Variants in COL1A1 observed in about 807,000 individuals in gnomAD.
The protein encoded by COL1A1 is collagen alpha-1(I) chain.
A neutral mutation model predicts 195.7 loss-of-function variants in COL1A1; 21 were observed. The observed-to-expected ratio is 0.11, with a 90% CI of 0.08 to 0.15. The LOEUF is 0.15. Ranked by LOEUF, COL1A1 falls within the 10% of genes least tolerant of loss-of-function variation. COL1A1 has a pLI of 1.00. For missense variants in COL1A1, 1,365 were observed against 2,051.0 expected (o/e 0.67, Z 6.46); for synonymous variants, 749 against 747.3 (o/e 1.00, Z -0.04).
Position 50,186,121 on chromosome 17 carries a change from C to G in COL1A1, c.4006-101G>C. The G allele has an allele frequency of 6.4e-7, 1 of 1,567,180 alleles. No homozygotes were observed. Among genetic ancestry groups the G allele is most frequent in the Non-Finnish European group, 8.6e-7 (1 of 1,157,502 alleles). On this transcript the variant is annotated intron_variant, in intron 49 of 50. Coordinates refer to ENST00000225964, the MANE Select transcript of COL1A1 (RefSeq NM_000088.4). The surrounding 1 kb of genome is among the most constrained non-coding windows in gnomAD (Gnocchi z 5.3). ...GGTCCTCAGAGAGCTGCCCAATGCA[C>G]CGTTATATCGAGAGGAGGCACCACC...
Position 50,198,459 on chromosome 17 carries a change from C to T in COL1A1, c.517G>A (p.Gly173Arg), listed in dbSNP as rs193922157. Reference sequence around the variant, plus strand: ...ATGGGGCCAGGCACGGAAATTCCTCCGGTTGATTTCTCATCATAGCCATAA... The same window carrying T: ...ATGGGGCCAGGCACGGAAATTCCTCTGGTTGATTTCTCATCATAGCCATAA... ...LSYGYDEKST[G>R]GISVPGPMGP... Residue 173 changes from glycine (G) to arginine (R), a missense_variant, in exon 6 of 51, where the codon GGA becomes AGA. Physicochemically the swap from Gly to Arg is moderately radical, Grantham distance 125. Coordinates refer to ENST00000225964, the MANE Select transcript of COL1A1 (RefSeq NM_000088.4). 17 of 1,613,420 alleles carry T rather than the reference C, an allele frequency of 1.1e-5. No individual in the cohort carries two copies. The highest frequency in any genetic ancestry group is 2.2e-5 in the East Asian group (1 of 44,882).
In COL1A1 at chr17:50,190,904, A is replaced by G; in HGVS notation, c.2256T>C (p.Gly752=). 6.2e-7 allele frequency: 1 copy of G among 1,614,082 alleles called. No individual in the cohort carries two copies. Among genetic ancestry groups the G allele is most frequent in the Non-Finnish European group, 8.5e-7 (1 of 1,179,984 alleles). ...KGDRGDAGPK[G]ADGSPGKDGV... ...CATCTTTGCCAGGAGAGCCATCAGC[A>G]CCTTTGGGACCAGCATCACCCTAAA... is the stretch of plus-strand genomic sequence containing the variant. The change falls in exon 33 of 51, where the codon GGT becomes GGC. Residue 752 remains glycine, a synonymous_variant. Coordinates refer to ENST00000225964, the MANE Select transcript of COL1A1 (RefSeq NM_000088.4). This position sits in a 1 kb window ranked among gnomAD's most constrained non-coding sequence, Gnocchi z 4.7.
At position 50,189,584 on chromosome 17, in the gene COL1A1, G is replaced by A. The variant is rs1906883438; in HGVS notation, c.2668-46C>T. 3.1e-6 allele frequency: 5 copies of A among 1,612,832 alleles called. No homozygotes were observed. The highest frequency in any genetic ancestry group is 2.2e-5 in the East Asian group (1 of 44,820). ...CTGTCAGACTCCAGGGGGCTCTGGTGCATCATTGGGTCCTCAGTCAGCCCC... is the reference window on the plus strand; with the variant it reads ...CTGTCAGACTCCAGGGGGCTCTGGTACATCATTGGGTCCTCAGTCAGCCCC... On this transcript the variant is annotated intron_variant, in intron 38 of 50. Coordinates refer to ENST00000225964, the MANE Select transcript of COL1A1 (RefSeq NM_000088.4). The surrounding 1 kb of genome is among the most constrained non-coding windows in gnomAD (Gnocchi z 5.5).
chr17:50,194,338 T>C lies in COL1A1; in HGVS notation c.1614+11A>G. 6.2e-7 allele frequency: 1 copy of C among 1,614,016 alleles called. No individual in the cohort carries two copies. The highest frequency in any genetic ancestry group is 2.2e-5 in the East Asian group (1 of 44,858). ...GCCTGGCCAAGCCAGGCTGAAAGCC[T>C]GGGGCCTCACCTTGGCACCAGGCAG... On this transcript the variant is annotated intron_variant, in intron 23 of 50. Coordinates refer to ENST00000225964, the MANE Select transcript of COL1A1 (RefSeq NM_000088.4). This position sits in a 1 kb window ranked among gnomAD's most constrained non-coding sequence, Gnocchi z 6.8.
chr17:50,195,584 C>T lies in COL1A1; in HGVS notation c.1138G>A (p.Gly380Ser), dbSNP rs72648313. 1 of 1,614,088 alleles carries T rather than the reference C, an allele frequency of 6.2e-7. No homozygotes were observed. The highest frequency in any genetic ancestry group is 1.1e-5 in the South Asian group (1 of 91,082). ...ACACTTACAGCAGGGCCAGCAGCAC[C>T]AGCAGGGCCAGGGGGGCCAGGCTCA... ...RGEPGPPGPA[G>S]AAGPAGNPGA... is the part of the protein sequence containing the mutation. The change falls in exon 17 of 51, where the codon GGT becomes AGT. Residue 380 changes from glycine to serine, a missense_variant. By Grantham distance (56) the Gly-to-Ser change is moderately conservative. Around this residue, in one of 5 missense-constraint regions of COL1A1, gnomAD observed 226 missense variants for 372.9 expected, o/e 0.61. Transcript: ENST00000225964. This position sits in a 1 kb window ranked among gnomAD's most constrained non-coding sequence, Gnocchi z 4.3.
rs1598285552 is a variant in COL1A1 at position 50,186,788 on chromosome 17, A to G, written c.3666T>C (p.Asn1222=). The G allele has an allele frequency of 6.2e-7, 1 of 1,614,116 alleles. No homozygotes were observed. Among genetic ancestry groups the G allele is most frequent in the East Asian group, 2.2e-5 (1 of 44,874 alleles). ...GGRYYRADDA[N]VVRDRDLEVD... ...CCTCGAGGTCACGGTCACGAACCAC[A>G]TTGGCATCATCAGCCCGGTAGTAGC... is the stretch of plus-strand genomic sequence containing the variant. Residue 1222 remains asparagine, a synonymous_variant, in exon 48 of 51, where the codon AAT becomes AAC. Transcript: ENST00000225964. This position sits in a 1 kb window ranked among gnomAD's most constrained non-coding sequence, Gnocchi z 5.3.
rs368295399 is a variant in COL1A1 at position 50,186,685 on chromosome 17, G to A, written c.3769C>T (p.Arg1257Cys). 2.9e-5 allele frequency: 47 copies of A among 1,613,586 alleles called. No individual in the cohort carries two copies. Among genetic ancestry groups the A allele is most frequent in the Middle Eastern group, 1.6e-4 (1 of 6,082 alleles). The part of the protein sequence containing the change: ...SPEGSRKNPA[R>C]TCRDLKMCHS... Reference sequence around the variant, plus strand: ...CACATCTTGAGGTCACGGCAGGTGCGGGCGGGGTTCTTGCGGCTGCCCTCT... The same window carrying A: ...CACATCTTGAGGTCACGGCAGGTGCAGGCGGGGTTCTTGCGGCTGCCCTCT... Residue 1257 changes from arginine to cysteine, a missense_variant, in exon 48 of 51, where the codon CGC becomes TGC. Arg to Cys is a radical substitution (Grantham distance 180, BLOSUM62 -3). This residue lies in a region of COL1A1 where 273 missense variants were observed against 338.6 expected (regional missense o/e 0.81). Coordinates refer to ENST00000225964, the MANE Select transcript of COL1A1 (RefSeq NM_000088.4). This position sits in a 1 kb window ranked among gnomAD's most constrained non-coding sequence, Gnocchi z 5.3.
Position 50,195,271 on chromosome 17 carries a change from G to A in COL1A1, c.1260C>T (p.Pro420=). The part of the protein sequence containing the change: ...GFPGARGPSG[P]QGPGGPPGPK... ...GACCAGGAGGGCCGCCGGGGCCCTG[G>A]GGTCCAGAGGGGCCTCGGGCACCAG... Residue 420 remains proline (P), a synonymous_variant, in exon 19 of 51, where the codon CCC becomes CCT. Coordinates refer to ENST00000225964, the MANE Select transcript of COL1A1 (RefSeq NM_000088.4). The surrounding 1 kb of genome is among the most constrained non-coding windows in gnomAD (Gnocchi z 4.3). 1 of 1,613,582 alleles carries A rather than the reference G, an allele frequency of 6.2e-7. No individual in the cohort carries two copies. Among genetic ancestry groups the A allele is most frequent in the South Asian group, 1.1e-5 (1 of 91,080 alleles).
intron 25 of COL1A1, 165 bp downstream of exon 25, chr17:50,193,778 G>A (rs190510366): frequency 3.8e-5 from 27 of 717,692 alleles, no homozygotes; most frequent in African/African-American, 1.2e-4. Flanking sequence ...ACCGTGCCCC[G>A]CCGAGAAGTC....
At chr17:50,196,462 C>G in intron 13 of COL1A1, 22 bp downstream of exon 13, 1 of 1,614,214 alleles carries the variant, frequency 6.2e-7, no homozygotes. Flanking sequence ...CATCCCTGCC[C>G]TCTGGAACTG....
In COL1A1 at chr17:50,196,649, C is replaced by T; in HGVS notation, c.826G>A (p.Ala276Thr). 7 of 1,614,176 alleles carry T rather than the reference C, an allele frequency of 4.3e-6. No homozygotes were observed. Among genetic ancestry groups the T allele is most frequent in the Non-Finnish European group, 5.9e-6 (7 of 1,180,032 alleles). Residue 276 changes from alanine (A) to threonine (T), a missense_variant, in exon 12 of 51, where the codon GCC becomes ACC. By Grantham distance (58) the Ala-to-Thr change is moderately conservative. Coordinates refer to ENST00000225964, the MANE Select transcript of COL1A1 (RefSeq NM_000088.4). ...GHRGFSGLDG[A>T]KGDAGPAGPK... ...CCAGCAGGACCAGCATCTCCCTTGG[C>T]ACCATCCAAACCACTGAAACCCTAA...
chr17:50,199,368 G>C, intron 4 of COL1A1, 41 bp from the exon 5 acceptor site: 2 of 1,608,496 alleles, frequency 1.2e-6, no homozygotes, highest in Non-Finnish European at 1.7e-6. Flanking sequence ...GCGTGGGGCC[G>C]AGAGCCATGC....
At chr17:50,192,593 G>C in intron 28 of COL1A1, 47 bp downstream of exon 28, 1 of 1,614,038 alleles carries the variant, frequency 6.2e-7, no homozygotes, top group Non-Finnish European at 8.5e-7. Context: ...CCAAAGAGGT[G>C]TTTCCTACCC....
intron 1 of COL1A1, chr17:50,200,191 C>G: frequency 1.9e-6 from 1 of 523,900 alleles, no homozygotes; most frequent in Non-Finnish European, 3.4e-6. Flanking sequence ...CTTTAGTCCG[C>G]GGTGGCTTCC....
Position 50,199,455 on chromosome 17 carries a change from T to C in COL1A1, c.334-2A>G, listed in dbSNP as rs72667013. On this transcript the variant is annotated splice_acceptor_variant, in intron 3 of 50. Transcript: ENST00000225964. LOFTEE classifies it high-confidence loss of function. ...GGGGCCAGTGTCTCCCTTGGGTCCC[T>C]GTGGGATTGGGGGAGAAGAAACAAG... 6.8e-6 allele frequency: 11 copies of C among 1,614,064 alleles called. No homozygotes were observed. Among genetic ancestry groups the C allele is most frequent in the Non-Finnish European group, 9.3e-6 (11 of 1,179,976 alleles).
At chr17:50,196,836 C>A (rs963486973) in intron 11 of COL1A1, among the ~76,000 whole-genome samples, 166 bp from the exon 12 acceptor site, 1 of 152,180 alleles carries the variant, frequency 6.6e-6, no homozygotes, top group South Asian at 2.1e-4. Context: ...ATCGTTTAAT[C>A]GGGACTGCTT....
intron 45 of COL1A1, 33 bp from the exon 46 acceptor site, chr17:50,187,570 C>T (rs769401430): frequency 5.6e-6 from 9 of 1,611,758 alleles, no homozygotes; most frequent in Non-Finnish European, 7.6e-6. Context: ...AGTTCAGGCC[C>T]AGTGAGCGTC....
At position 50,199,666 on chromosome 17, in the gene COL1A1, A is replaced by T. The variant is rs375696477; in HGVS notation, c.299-76T>A. On this transcript the variant is annotated intron_variant, in intron 2 of 50. Coordinates refer to ENST00000225964, the MANE Select transcript of COL1A1 (RefSeq NM_000088.4). ...CCGTCGGCAGAGGCCTCCAGCACGGAGGGCCAGCGAGCGCCGACCACCCCC... is the reference window on the plus strand; with the variant it reads ...CCGTCGGCAGAGGCCTCCAGCACGGTGGGCCAGCGAGCGCCGACCACCCCC... 952 of 1,609,988 alleles carry T rather than the reference A, an allele frequency of 5.9e-4. 4 individuals carry two copies. In the African/African-American group the frequency reaches 0.011, roughly 19 times the overall value.
At chr17:50,193,089 A>G in intron 25 of COL1A1, 42 bp from the exon 26 acceptor site, 6 of 1,601,132 alleles carry the variant, frequency 3.7e-6, no homozygotes, top group Non-Finnish European at 5.1e-6. Flanking sequence ...CTGAAGTGAG[A>G]AGCCAGGGCC....
Sources: gnomAD v4.1 joint callset for allele counts (sites outside exome capture counted in the v4.1 genomes callset) on GRCh38, gnomAD v4.1.1 for gene constraint, gnomAD v4.1.1 regional missense constraint, Gnocchi (gnomAD v3.1) non-coding constraint, MANE v1.5 for transcripts, NCBI Gene and HGNC (gene_info 2026-07-23, HGNC 2026-07-21) for gene names.